Variants in TPX2 observed in about 807,000 individuals in gnomAD.
TPX2 encodes the protein targeting protein for Xklp2.
In TPX2, 21 loss-of-function variants were observed where a neutral mutation model predicts 93.6. That is an observed-to-expected ratio of 0.22 (90% CI 0.16 to 0.32). The LOEUF is 0.32. Ranked by LOEUF, TPX2 falls within the 10% of genes least tolerant of loss-of-function variation. TPX2 has a pLI of 1.00. For missense variants in TPX2, 776 were observed against 871.1 expected (o/e 0.89, Z 1.37); for synonymous variants, 281 against 298.3 (o/e 0.94, Z 0.60).
chr20:31,743,441 T>G (rs2061764912), intron 2 of TPX2, among the ~76,000 whole-genome samples: 1 of 152,160 alleles, frequency 6.6e-6, no homozygotes, highest in Admixed American at 6.6e-5. Flanking sequence ...ATCCCACCAC[T>G]TTGGGAGACT....
intron 2 of TPX2, among the ~76,000 whole-genome samples, chr20:31,756,414 A>AT (rs2061852294): frequency 6.6e-6 from 1 of 151,744 alleles, no homozygotes. Flanking sequence ...GTTGGTAGGC[A>AT]TAAAAATTAG....
intron 15 of TPX2, among the ~76,000 whole-genome samples, chr20:31,796,532 C>G (rs1478878483): frequency 6.6e-6 from 1 of 152,126 alleles, no homozygotes; most frequent in African/African-American, 2.4e-5. Flanking sequence ...TCTATAGGCT[C>G]CTCTCTTTGC....
chr20:31,795,787 CAATT>C (rs1018130601), intron 15 of TPX2, among the ~76,000 whole-genome samples: 4 of 152,206 alleles, frequency 2.6e-5, no homozygotes, highest in Non-Finnish European at 4.4e-5. Context: ...TGATTTAAAA[CAATT>C]AATTGGTTAT....
intron 12 of TPX2, among the ~76,000 whole-genome samples, chr20:31,791,604 A>G (rs1247896211): frequency 6.6e-6 from 1 of 152,240 alleles, no homozygotes; most frequent in African/African-American, 2.4e-5. Flanking sequence ...TAAGTCAGGA[A>G]GTAATGTGAT....
chr20:31,742,503 A>G (rs6060915), intron 1 of TPX2, 38 bp from the exon 2 acceptor site: 56,398 of 152,066 alleles, frequency 0.37, 12,596 homozygotes, highest in African/African-American at 0.61. Flanking sequence ...ACTACAGAGA[A>G]CTTGGAACCT....
intron 3 of TPX2, 31 bp downstream of exon 3, chr20:31,757,613 G>A (rs763008913): frequency 7.6e-6 from 12 of 1,577,314 alleles, no homozygotes; most frequent in African/African-American, 4.1e-5. Context: ...GCTATTTTAA[G>A]GATTAGTGGC....
chr20:31,791,219 G>C (rs2062098662), intron 12 of TPX2, among the ~76,000 whole-genome samples: 1 of 152,166 alleles, frequency 6.6e-6, no homozygotes, highest in African/African-American at 2.4e-5. Flanking sequence ...TCAAGCAAGT[G>C]CCTTGTGTTT....
At chr20:31,746,413 T>C (rs937674504) in intron 2 of TPX2, among the ~76,000 whole-genome samples, 1 of 152,220 alleles carries the variant, frequency 6.6e-6, no homozygotes, top group African/African-American at 2.4e-5. Context: ...TAACAGGATC[T>C]CTTATCCCTT....
intron 8 of TPX2, 90 bp from the exon 9 acceptor site, chr20:31,777,397 C>T: frequency 2.0e-6 from 3 of 1,475,072 alleles, no homozygotes; most frequent in Non-Finnish European, 2.7e-6. Context: ...TCCATGGTGA[C>T]AGAAATAGCA....
chr20:31,775,534 C>T (rs936107303), intron 7 of TPX2, among the ~76,000 whole-genome samples: 10 of 151,640 alleles, frequency 6.6e-5, no homozygotes, highest in Admixed American at 1.3e-4. Flanking sequence ...TGCCATCACA[C>T]CTGCCTAATT....
intron 4 of TPX2, among the ~76,000 whole-genome samples, chr20:31,761,802 A>G (rs1003256222): frequency 1.3e-5 from 2 of 152,130 alleles, no homozygotes; most frequent in African/African-American, 2.4e-5. Context: ...TATGGTAATT[A>G]TATTTTTAAT....
rs141909545 is a variant in TPX2, at chr20:31,752,006, G to A, written c.-70-5401G>A. Among the ~76,000 whole-genome samples the A allele has an allele frequency of 4.1e-4, 63 of 152,278 alleles. No individual in the cohort carries two copies. In the East Asian group the frequency reaches 0.011, roughly 26 times the overall value. On this transcript the variant is annotated intron_variant, in intron 2 of 17. Coordinates refer to ENST00000300403, the MANE Select transcript of TPX2 (RefSeq NM_012112.5). ...GATCCGCCTGCCTTGGCCTTCCAAA[G>A]TGTTGGGATTACAGGTGTGAGCTAC...
At chr20:31,785,812 AATAAC>A (rs2062062463) in intron 12 of TPX2, among the ~76,000 whole-genome samples, 1 of 152,032 alleles carries the variant, frequency 6.6e-6, no homozygotes, top group Non-Finnish European at 1.5e-5. Context: ...CCTTGCTTTT[AATAAC>A]ATATTTTCCT....
chr20:31,760,271 T>G, intron 4 of TPX2, 92 bp downstream of exon 4: 15 of 1,504,424 alleles, frequency 1.0e-5, no homozygotes, highest in South Asian at 2.4e-5. Context: ...CTAAATGCTC[T>G]ATCTCTTTGT....
intron 2 of TPX2, among the ~76,000 whole-genome samples, chr20:31,748,082 G>A (rs1158827294): frequency 6.6e-6 from 1 of 152,106 alleles, no homozygotes; most frequent in Non-Finnish European, 1.5e-5. Flanking sequence ...CAATGGATAT[G>A]TATTTATTTA....
At chr20:31,745,612 G>T (rs1449933162) in intron 2 of TPX2, among the ~76,000 whole-genome samples, 2 of 152,192 alleles carry the variant, frequency 1.3e-5, no homozygotes, top group Admixed American at 6.5e-5. Context: ...ACAGGCATGA[G>T]CCATCTAATA....
At chr20:31,751,366 T>G (rs1178120687) in intron 2 of TPX2, among the ~76,000 whole-genome samples, 1 of 152,084 alleles carries the variant, frequency 6.6e-6, no homozygotes, top group East Asian at 1.9e-4. Context: ...GAGTTAGGCA[T>G]TAAGATCATG....
chr20:31,776,998 CTG>C (rs2062004295), intron 8 of TPX2, among the ~76,000 whole-genome samples: 3 of 152,234 alleles, frequency 2.0e-5, no homozygotes, highest in South Asian at 4.1e-4. Flanking sequence ...AAAAATATGA[CTG>C]AGAGAGCTGA....
At chr20:31,785,518 T>A (rs6060945) in intron 12 of TPX2, among the ~76,000 whole-genome samples, 60,559 of 150,302 alleles carry the variant, frequency 0.4, 15,382 homozygotes, top group African/African-American at 0.72. Flanking sequence ...TTTTTTTGAG[T>A]TGGAGTTTAG....
Sources: allele counts gnomAD v4.1 joint callset (sites outside exome capture counted in the v4.1 genomes callset), GRCh38; gene constraint gnomAD v4.1.1; transcripts MANE v1.5; gene names NCBI Gene and HGNC (gene_info 2026-07-23, HGNC 2026-07-21).